NAV1: variants seen among roughly 807,000 people sequenced by gnomAD.
The protein encoded by NAV1 is pore membrane and/or filament interacting like protein 3.
Under a neutral mutation model 175.2 loss-of-function variants are expected in NAV1, and 18 were observed. The observed-to-expected ratio is 0.10, with a 90% CI of 0.07 to 0.15. The LOEUF (loss-of-function observed/expected upper bound fraction) is 0.15. Ranked by LOEUF, NAV1 falls within the 10% of genes least tolerant of loss-of-function variation. The pLI is 1.00. For missense variants in NAV1, 1,731 were observed against 2,436.6 expected (o/e 0.71, Z 6.10); for synonymous variants, 897 against 978.7 (o/e 0.92, Z 1.56).
At position 201,740,661 on chromosome 1, in the gene NAV1, A is replaced by G. The variant is rs1673363562; in HGVS notation, c.1226+21906A>G. On this transcript the variant is annotated intron_variant, in intron 3 of 29. Transcript: ENST00000367296. This position sits in a 1 kb window ranked among gnomAD's most constrained non-coding sequence, Gnocchi z 4.7. ...CCGTACTGCTGGCTGGATACTTCCG[A>G]GAGAGAGTGAAGCCTGGTGCTCTAC... Among the ~76,000 whole-genome samples the G allele has an allele frequency of 6.6e-6, 1 of 152,100 alleles. No individual in the cohort carries two copies. The highest frequency in any genetic ancestry group is 1.5e-5 in the Non-Finnish European group (1 of 68,014).
rs2981825 is a variant in NAV1 at position 201,690,310 on chromosome 1, C to T, written c.758-22507C>T. On this transcript the variant is annotated intron_variant, in intron 1 of 29. Transcript: ENST00000367296. ...GTGGCAGAATGCTGGCTATTTCCTC[C>T]GTGGCCTGTCCATGCAGTGTGTGTC... 3.6e-4 allele frequency among the ~76,000 whole-genome samples: 38 copies of T among 104,242 alleles called. 1 individual carries two copies. The highest frequency in any genetic ancestry group is 6.1e-4 in the Admixed American group (5 of 8,262). The allele number at this position is 104,242 out of a possible 152,430, so 68.4% of individuals were successfully genotyped here.
intron 1 of NAV1, among the ~76,000 whole-genome samples, chr1:201,584,492 A>T (rs1031554284): frequency 6.6e-6 from 1 of 152,224 alleles, no homozygotes; most frequent in African/African-American, 2.4e-5. Context: ...ATGTGTGTGC[A>T]GACTCTCAAA....
chr1:201,741,477 G>T (rs73088413), intron 3 of NAV1, among the ~76,000 whole-genome samples: 3,643 of 150,496 alleles, frequency 0.024, 154 homozygotes, highest in African/African-American at 0.084. Flanking sequence ...GCTGAGTCCT[G>T]GACAGCTCAC....
intron 1 of NAV1, among the ~76,000 whole-genome samples, chr1:201,660,895 G>A (rs1003826834): frequency 2.0e-5 from 3 of 152,284 alleles, no homozygotes; most frequent in East Asian, 1.9e-4. Context: ...GGGTGGCAGG[G>A]GGAGCACATG....
At chr1:201,549,527 C>T (rs937633973) in intron 1 of NAV1, among the ~76,000 whole-genome samples, 1 of 152,190 alleles carries the variant, frequency 6.6e-6, no homozygotes, top group Non-Finnish European at 1.5e-5. Context: ...TCTAAATACA[C>T]AGAGGTGAGC....
rs560137342 is a variant in NAV1 at position 201,738,627 on chromosome 1, G to C, written c.1226+19872G>C. 2.7e-5 allele frequency among the ~76,000 whole-genome samples: 4 copies of C among 147,494 alleles called. No individual in the cohort carries two copies. The East Asian group carries it at 9.7e-4, about 36-fold the overall frequency. ...CCTCTTTAAAGGCAGTGAGAGCGAG[G>C]AGGAGGAGTTCAGGAGTGCAAACCT... On this transcript the variant is annotated intron_variant, in intron 3 of 29. Transcript: ENST00000367296.
At chr1:201,648,286 C>G in exon 1 of NAV1, 1 of 1,090,506 alleles carries the variant, frequency 9.2e-7, no homozygotes, top group Non-Finnish European at 1.1e-6. Flanking sequence ...GGGCTGGGAT[C>G]CGGACACCAA....
At chr1:201,602,667 GT>G (rs374267102) in intron 2 of NAV1, among the ~76,000 whole-genome samples, 259 of 120,686 alleles carry the variant, frequency 2.1e-3, no homozygotes, top group African/African-American at 6.4e-3. Flanking sequence ...TTTTTTTTTG[GT>G]TTTTTTTTTA....
intron 1 of NAV1, among the ~76,000 whole-genome samples, chr1:201,703,153 C>T (rs750468187): frequency 1.2e-3 from 189 of 152,330 alleles, no homozygotes; most frequent in Non-Finnish European, 2.1e-3. Context: ...CAGCTCCCAG[C>T]AGCAGTGACT....
chr1:201,646,359 A>T (rs1029636998), upstream of NAV1, among the ~76,000 whole-genome samples: 1 of 152,164 alleles, frequency 6.6e-6, no homozygotes, highest in Non-Finnish European at 1.5e-5. Context: ...TCCTCTTGTT[A>T]TTCTTATAAT....
At chr1:201,614,901 C>G (rs1042834391) in intron 2 of NAV1, among the ~76,000 whole-genome samples, 2 of 152,196 alleles carry the variant, frequency 1.3e-5, no homozygotes, top group South Asian at 2.1e-4. Flanking sequence ...ACTTATAGAA[C>G]AATTACAAGT....
At chr1:201,667,443 A>G (rs1669870688) in intron 1 of NAV1, among the ~76,000 whole-genome samples, 1 of 152,190 alleles carries the variant, frequency 6.6e-6, no homozygotes, top group South Asian at 2.1e-4. Context: ...ATCCCATCCC[A>G]TCTGACAGAT....
intron 2 of NAV1, among the ~76,000 whole-genome samples, chr1:201,590,764 CT>C (rs911276995): frequency 3.9e-5 from 6 of 152,168 alleles, no homozygotes; most frequent in African/African-American, 1.4e-4. Flanking sequence ...TCTGAGAACT[CT>C]TTTTGCCCCA....
At chr1:201,609,915 CT>C (rs1251192691) in intron 2 of NAV1, among the ~76,000 whole-genome samples, 2 of 152,200 alleles carry the variant, frequency 1.3e-5, no homozygotes, top group Non-Finnish European at 2.9e-5. Flanking sequence ...CTTCAGGGCA[CT>C]TCCCCAATGA....
chr1:201,655,511 A>G (rs1274556201), intron 1 of NAV1, among the ~76,000 whole-genome samples: 4 of 152,146 alleles, frequency 2.6e-5, no homozygotes, highest in African/African-American at 9.7e-5. Flanking sequence ...GTTCCCTCCT[A>G]TAGGAGGCAG....
chr1:201,815,326 G>A (rs1678960296), intron 28 of NAV1, among the ~76,000 whole-genome samples: 1 of 152,146 alleles, frequency 6.6e-6, no homozygotes, highest in South Asian at 2.1e-4. Context: ...AGGATCTCTT[G>A]AGACCAGGAG....
At chr1:201,670,891 G>A (rs570915108) in intron 1 of NAV1, among the ~76,000 whole-genome samples, 1 of 152,234 alleles carries the variant, frequency 6.6e-6, no homozygotes, top group South Asian at 2.1e-4. Flanking sequence ...TAGAGATGAT[G>A]GTGATGTTTT....
chr1:201,803,131 G>T (rs1185165737), intron 15 of NAV1, among the ~76,000 whole-genome samples: 1 of 152,166 alleles, frequency 6.6e-6, no homozygotes, highest in Admixed American at 6.5e-5. Flanking sequence ...CTACCCACCA[G>T]ATGAGAAAAC....
At chr1:201,605,873 G>T (rs574415704) in intron 2 of NAV1, among the ~76,000 whole-genome samples, 2 of 152,162 alleles carry the variant, frequency 1.3e-5, no homozygotes, top group African/African-American at 4.8e-5. Context: ...TGTGAGCCCC[G>T]TGAGATCCCT....
Sources: allele counts gnomAD v4.1 joint callset (sites outside exome capture counted in the v4.1 genomes callset), GRCh38; gene constraint gnomAD v4.1.1; non-coding constraint Gnocchi (gnomAD v3.1); transcripts MANE v1.5; gene names NCBI Gene and HGNC (gene_info 2026-07-23, HGNC 2026-07-21).